MACROD2: variants seen among roughly 807,000 people sequenced by gnomAD.
MACROD2 encodes the protein ADP-ribose glycohydrolase MACROD2.
A neutral mutation model predicts 70.4 loss-of-function variants in MACROD2; 36 were observed. That is an observed-to-expected ratio of 0.51 (90% CI 0.39 to 0.68). The LOEUF (loss-of-function observed/expected upper bound fraction) is 0.68, where lower values mean the gene tolerates loss of function less well. Among genes scored for constraint, MACROD2 ranks in the 30% least tolerant of loss-of-function variants. The pLI, the probability that MACROD2 is intolerant of heterozygous loss-of-function variation, is 0.00. For missense variants in MACROD2, 496 were observed against 538.4 expected, an observed-to-expected ratio of 0.92 and a Z score of 0.78; for synonymous variants, 172 against 178.8, an observed-to-expected ratio of 0.96 and a Z score of 0.30.
intron 8 of MACROD2, among the ~76,000 whole-genome samples, chr20:15,649,733 G>A (rs1299180334): frequency 6.6e-6 from 1 of 152,052 alleles, no homozygotes; most frequent in Non-Finnish European, 1.5e-5. Context: ...TTTGAGGAGG[G>A]GATCTTTGGG....
chr20:14,960,519 T>G (rs769730318), intron 5 of MACROD2, among the ~76,000 whole-genome samples: 5 of 152,228 alleles, frequency 3.3e-5, no homozygotes, highest in Admixed American at 6.5e-5. Flanking sequence ...TTTCGTATGT[T>G]TTTTCTTTTA....
At chr20:15,581,187 C>G (rs747916671) in intron 8 of MACROD2, among the ~76,000 whole-genome samples, 1 of 152,110 alleles carries the variant, frequency 6.6e-6, no homozygotes, top group Non-Finnish European at 1.5e-5. Flanking sequence ...TTTTTCAGTT[C>G]GGAAGGTGGA....
chr20:14,571,810 T>G (rs887979136), intron 4 of MACROD2, among the ~76,000 whole-genome samples: 1 of 152,114 alleles, frequency 6.6e-6, no homozygotes, highest in Non-Finnish European at 1.5e-5. Flanking sequence ...ACGGGCTAGT[T>G]CTACAATTAA....
At chr20:14,734,547 A>AC (rs2071638379) in intron 5 of MACROD2, among the ~76,000 whole-genome samples, 2 of 21,900 alleles carry the variant, frequency 9.1e-5, no homozygotes, top group Non-Finnish European at 1.6e-4. Flanking sequence ...ACAAAAAAGC[A>AC]AAAAAAAAAA....
intron 6 of MACROD2, among the ~76,000 whole-genome samples, chr20:15,376,588 A>G (rs1163521178): frequency 6.6e-6 from 1 of 152,192 alleles, no homozygotes; most frequent in Non-Finnish European, 1.5e-5. Context: ...TACTCCTACC[A>G]CTGGGACTGT....
rs186960183 is a variant in MACROD2, at chr20:14,563,832, G to A, written c.301+70324G>A. Among the ~76,000 whole-genome samples, 650 of 151,854 alleles carry A rather than the reference G, an allele frequency of 4.3e-3. 5 individuals are homozygous for A. In the Middle Eastern group the frequency reaches 0.044, roughly 10 times the overall value. On this transcript the variant is annotated intron_variant, in intron 4 of 17. Transcript: ENST00000684519. ...CAAATTACCAACATCGTTTTTCCCA[G>A]AATTAGAAAAAACAATCCTAAAATT...
At chr20:15,387,571 T>A (rs1355314212) in intron 6 of MACROD2, among the ~76,000 whole-genome samples, 1 of 151,564 alleles carries the variant, frequency 6.6e-6, no homozygotes, top group Non-Finnish European at 1.5e-5. Context: ...TTCTCTTTTT[T>A]CTCCCCACTT....
At chr20:14,094,248 A>C (rs1601216012) in intron 3 of MACROD2, among the ~76,000 whole-genome samples, 1 of 152,078 alleles carries the variant, frequency 6.6e-6, no homozygotes, top group Non-Finnish European at 1.5e-5. Context: ...TAATGGTGGG[A>C]TGATTCTTGG....
intron 6 of MACROD2, among the ~76,000 whole-genome samples, chr20:15,357,154 G>C (rs768135969): frequency 6.6e-6 from 1 of 151,978 alleles, no homozygotes; most frequent in African/African-American, 2.4e-5. Flanking sequence ...TAGTTTTATC[G>C]TTATCCAGCC....
intron 10 of MACROD2, among the ~76,000 whole-genome samples, chr20:15,914,021 T>C (rs1342508789): frequency 6.6e-6 from 1 of 152,244 alleles, no homozygotes; most frequent in Non-Finnish European, 1.5e-5. Context: ...GAAATTGAGA[T>C]AAATCTCATT....
intron 8 of MACROD2, among the ~76,000 whole-genome samples, chr20:15,773,420 A>T (rs1339763120): frequency 6.6e-6 from 1 of 152,132 alleles, no homozygotes; most frequent in African/African-American, 2.4e-5. Flanking sequence ...GGGCTCTGAC[A>T]TCTCATTTTA....
At chr20:15,720,779 C>T (rs1313228531) in intron 8 of MACROD2, among the ~76,000 whole-genome samples, 1 of 152,088 alleles carries the variant, frequency 6.6e-6, no homozygotes, top group Non-Finnish European at 1.5e-5. Flanking sequence ...TTAATTAATG[C>T]CTGATGTAAA....
chr20:14,396,973 A>G (rs1206545390), intron 3 of MACROD2, among the ~76,000 whole-genome samples: 1 of 137,518 alleles, frequency 7.3e-6, no homozygotes, highest in South Asian at 2.3e-4. Flanking sequence ...TTTAATTGGT[A>G]TATTTAGACC....
At chr20:15,526,943 T>C (rs565823504) in intron 8 of MACROD2, among the ~76,000 whole-genome samples, 1 of 152,334 alleles carries the variant, frequency 6.6e-6, no homozygotes, top group East Asian at 1.9e-4. Flanking sequence ...TGTTTCAAAA[T>C]TTTGCTAGCA....
chr20:15,000,515 G>C lies in MACROD2; in HGVS notation c.419-229425G>C, dbSNP rs915276613. On this transcript the variant is annotated intron_variant, in intron 5 of 17. Coordinates refer to ENST00000684519, the MANE Select transcript of MACROD2 (RefSeq NM_001351661.2). Reference sequence around the variant, plus strand: ...GCGGGCGCCTGTAGTCCCAGCTACTGGGGAGGCTGAGGCAGGAGAATGGCG... The same window carrying C: ...GCGGGCGCCTGTAGTCCCAGCTACTCGGGAGGCTGAGGCAGGAGAATGGCG... Among the ~76,000 whole-genome samples, 55 of 143,820 alleles carry C rather than the reference G, an allele frequency of 3.8e-4. 2 individuals carry two copies. The highest frequency in any genetic ancestry group is 9.0e-4 in the Admixed American group (13 of 14,452). 94.4% of individuals were successfully genotyped at this position (143,820 alleles called of 152,430 possible). A position where few individuals can be genotyped will look rare whatever the true frequency, so the allele number is the denominator to read the frequency against.
intron 5 of MACROD2, among the ~76,000 whole-genome samples, chr20:14,958,439 G>T (rs1302084267): frequency 6.6e-6 from 1 of 152,074 alleles, no homozygotes; most frequent in African/African-American, 2.4e-5. Context: ...GAAGACAAAG[G>T]GTTGAACTGG....
chr20:14,232,999 G>C (rs1468111031), intron 3 of MACROD2, among the ~76,000 whole-genome samples: 1 of 152,166 alleles, frequency 6.6e-6, no homozygotes, highest in Admixed American at 6.5e-5. Flanking sequence ...TTCCAATCTT[G>C]TTGTGTCTCA....
chr20:14,829,469 C>G (rs2072940186), intron 5 of MACROD2, among the ~76,000 whole-genome samples: 2 of 151,978 alleles, frequency 1.3e-5, no homozygotes, highest in Non-Finnish European at 2.9e-5. Flanking sequence ...GATAGGGTTT[C>G]ATCTTCCAGG....
chr20:16,008,208 C>T (rs1156899299), intron 15 of MACROD2, among the ~76,000 whole-genome samples: 1 of 152,178 alleles, frequency 6.6e-6, no homozygotes, highest in Non-Finnish European at 1.5e-5. Flanking sequence ...CAAAGCCTTC[C>T]TATAGCGCCC....
Sources: allele counts gnomAD v4.1 joint callset (sites outside exome capture counted in the v4.1 genomes callset), GRCh38; gene constraint gnomAD v4.1.1; transcripts MANE v1.5; gene names NCBI Gene and HGNC (gene_info 2026-07-23, HGNC 2026-07-21).